The following DCBLD1 variants were observed in gnomAD, a reference collection of about 807,000 sequenced individuals.
DCBLD1 encodes discoidin, CUB and LCCL domain-containing protein 1.
DCBLD1 carries 57 observed loss-of-function variants against 71.5 expected under a neutral mutation model. That is an observed-to-expected ratio of 0.80 (90% confidence interval 0.64 to 0.99). The LOEUF is 0.99. DCBLD1 is among the 50% of genes least tolerant of loss of function. The pLI, the probability that DCBLD1 is intolerant of heterozygous loss-of-function variation, is 0.00. For synonymous variants in DCBLD1, 380 were observed against 363.8 expected (o/e 1.04, Z -0.51); for missense variants, 891 against 923.5 (o/e 0.96, Z 0.46).
intron 2 of DCBLD1, among the ~76,000 whole-genome samples, chr6:117,509,165 C>G (rs888934252): frequency 1.3e-5 from 2 of 152,202 alleles, no homozygotes; most frequent in African/African-American, 4.8e-5. Context: ...GGTGCGACAT[C>G]TCATACCTGT....
chr6:117,482,882 CG>C lies in DCBLD1; in HGVS notation c.103del (p.Glu35ArgfsTer10). On this transcript the variant is annotated frameshift_variant, in exon 1 of 15. Coordinates refer to ENST00000338728, the MANE Select transcript of DCBLD1 (RefSeq NM_001366458.2). LOFTEE classifies it high-confidence loss of function. Reference sequence around the variant, plus strand: ...GTCTCCGCCCCGCTCCGGCTGCAGGCGGAGGAGCTGGGTGAGTGGAGCGCGT... The same window carrying C: ...GTCTCCGCCCCGCTCCGGCTGCAGGCGAGGAGCTGGGTGAGTGGAGCGCGT... ...LAVSAPLRLQ[A>X]EELGDGCGHL... is the part of the protein sequence containing the mutation. 8.4e-7 allele frequency: 1 copy of C among 1,195,566 alleles called. No homozygotes were observed. The highest frequency in any genetic ancestry group is 1.0e-6 in the Non-Finnish European group (1 of 962,158). The allele number at this position is 1,195,566 out of a possible 1,614,324, so 74.1% of individuals were successfully genotyped here.
chr6:117,491,020 A>G (rs1308663736), intron 1 of DCBLD1, among the ~76,000 whole-genome samples: 2 of 152,220 alleles, frequency 1.3e-5, no homozygotes, highest in Admixed American at 6.5e-5. Flanking sequence ...TGTGATGTCC[A>G]GTTAAATTTG....
At chr6:117,553,838 T>C (rs1372728055), downstream of DCBLD1, among the ~76,000 whole-genome samples, 1 of 152,210 alleles carries the variant, frequency 6.6e-6, no homozygotes, top group African/African-American at 2.4e-5. Flanking sequence ...AGAACTAGTA[T>C]GGCCTAGTGG....
chr6:117,503,727 C>T (rs560908921), intron 1 of DCBLD1, 40 bp from the exon 2 acceptor site: 1 of 1,589,960 alleles, frequency 6.3e-7, no homozygotes, highest in East Asian at 2.2e-5. Flanking sequence ...GAATTAATGA[C>T]CCCTTCTTCT....
At chr6:117,495,712 T>G (rs1777445681) in intron 1 of DCBLD1, among the ~76,000 whole-genome samples, 1 of 152,210 alleles carries the variant, frequency 6.6e-6, no homozygotes, top group Non-Finnish European at 1.5e-5. Context: ...TCTAATAATC[T>G]TTTGCTTTTC....
chr6:117,519,719 C>A, intron 2 of DCBLD1, 97 bp from the exon 3 acceptor site: 1 of 1,448,366 alleles, frequency 6.9e-7, no homozygotes. Flanking sequence ...TATGTATTGT[C>A]TAGTAAATTT....
At chr6:117,543,308 G>A (rs978532862) in intron 12 of DCBLD1, 97 bp downstream of exon 12, 156 of 957,632 alleles carry the variant, frequency 1.6e-4, no homozygotes, top group Non-Finnish European at 2.3e-4. Flanking sequence ...TACAAAAGCA[G>A]CATGGCTTCT....
chr6:117,510,193 G>A (rs2114451434), intron 2 of DCBLD1, among the ~76,000 whole-genome samples: 1 of 152,228 alleles, frequency 6.6e-6, no homozygotes, highest in East Asian at 1.9e-4. Flanking sequence ...CCTCATCTCT[G>A]AGTCCTTCAT....
chr6:117,536,597 G>T (rs143866612), intron 6 of DCBLD1, among the ~76,000 whole-genome samples: 1 of 152,332 alleles, frequency 6.6e-6, no homozygotes, highest in Non-Finnish European at 1.5e-5. Context: ...GCAGGAGCTG[G>T]TTCAAGACTT....
At chr6:117,528,572 C>T (rs1778615587) in intron 5 of DCBLD1, among the ~76,000 whole-genome samples, 1 of 152,158 alleles carries the variant, frequency 6.6e-6, no homozygotes, top group East Asian at 1.9e-4. Flanking sequence ...AGTTGTTTAG[C>T]CTTAGTTCAC....
chr6:117,487,443 A>T (rs1777128775), intron 1 of DCBLD1, among the ~76,000 whole-genome samples: 1 of 152,102 alleles, frequency 6.6e-6, no homozygotes, highest in South Asian at 2.1e-4. Context: ...TGAGCAACAT[A>T]GCGAAATCCC....
intron 14 of DCBLD1, among the ~76,000 whole-genome samples, chr6:117,568,407 C>A (rs1386972220): frequency 1.3e-5 from 2 of 152,162 alleles, no homozygotes; most frequent in East Asian, 3.9e-4. Flanking sequence ...TCTTTCCCAG[C>A]AGTTTAAGGT....
rs750305020 is a variant in DCBLD1 at position 117,525,402 on chromosome 6, A to G, written c.553A>G (p.Ile185Val). 4.6e-6 allele frequency: 7 copies of G among 1,517,442 alleles called. No homozygotes were observed. Among genetic ancestry groups the G allele is most frequent in the Non-Finnish European group, 6.2e-6 (7 of 1,132,618 alleles). The allele number at this position is 1,517,442 out of a possible 1,614,324, so 94.0% of individuals were successfully genotyped here. Residue 185 changes from isoleucine (I) to valine (V), a missense_variant, in exon 5 of 15, where the codon ATT becomes GTT. Coordinates refer to ENST00000338728, the MANE Select transcript of DCBLD1 (RefSeq NM_001366458.2). ...TGGTTGTAGAGACGTAGCAGGAGAC[A>G]TTTCTGGGAATATGGTAGATGGATA... Reference protein sequence around the residue: ...PAGCRDVAGDISGNMVDGYRD... With the variant: ...PAGCRDVAGDVSGNMVDGYRD...
chr6:117,500,239 T>C (rs1417883596), intron 1 of DCBLD1, among the ~76,000 whole-genome samples: 2 of 152,226 alleles, frequency 1.3e-5, no homozygotes, highest in African/African-American at 4.8e-5. Flanking sequence ...TATATTAGTC[T>C]TGCCACAGAA....
chr6:117,520,028 G>A (rs1778334515), intron 3 of DCBLD1, 78 bp downstream of exon 3: 7 of 1,585,260 alleles, frequency 4.4e-6, no homozygotes, highest in Non-Finnish European at 6.0e-6. Context: ...CCCATCCCTG[G>A]ACATAATTGT....
At chr6:117,557,245 G>T (rs943356631) in intron 14 of DCBLD1, among the ~76,000 whole-genome samples, 10 of 151,692 alleles carry the variant, frequency 6.6e-5, no homozygotes, top group African/African-American at 2.4e-4. Context: ...TATCCCTAAT[G>T]GTTTTTTTCT....
intron 2 of DCBLD1, among the ~76,000 whole-genome samples, chr6:117,513,880 T>C (rs1388325139): frequency 6.6e-6 from 1 of 152,092 alleles, no homozygotes; most frequent in Admixed American, 6.5e-5. Flanking sequence ...AATATAGGTG[T>C]AGATCCTTTT....
chr6:117,527,462 TA>T, intron 5 of DCBLD1, among the ~76,000 whole-genome samples: 1 of 152,228 alleles, frequency 6.6e-6, no homozygotes, highest in East Asian at 1.9e-4. Context: ...GTAAAATAAA[TA>T]ACTAGAGGAG....
Position 117,548,191 on chromosome 6 carries a change from C to G in DCBLD1, c.1900C>G (p.Leu634Val), listed in dbSNP as rs1277081443. 6 of 1,550,434 alleles carry G rather than the reference C, an allele frequency of 3.9e-6. No individual in the cohort carries two copies. The highest frequency in any genetic ancestry group is 4.9e-5 in the East Asian group (2 of 40,910). ...GCCCCAGCCCGGCCACAAACACTCC[C>G]TCTCCTCGGGCGGCTTCTCCCCCGT... ...PGPQPGHKHS[L>V]SSGGFSPVAG... The change falls in exon 15 of 15, where the codon CTC (leucine) becomes GTC (valine). Residue 634 changes from leucine (L) to valine (V), a missense_variant. Physicochemically the swap from Leu to Val is conservative, Grantham distance 32. Coordinates refer to ENST00000338728, the MANE Select transcript of DCBLD1 (RefSeq NM_001366458.2).
Sources: gnomAD v4.1 joint callset for allele counts (sites outside exome capture counted in the v4.1 genomes callset) on GRCh38, gnomAD v4.1.1 for gene constraint, MANE v1.5 for transcripts, NCBI Gene and HGNC (gene_info 2026-07-23, HGNC 2026-07-21) for gene names.